Variants in SYT9 observed in about 807,000 individuals in gnomAD.
The protein encoded by SYT9 is synaptotagmin 9.
In SYT9, 22 loss-of-function variants were observed where a neutral mutation model predicts 48.4. That is an observed-to-expected ratio of 0.45 (90% confidence interval 0.32 to 0.65). The LOEUF (loss-of-function observed/expected upper bound fraction) is 0.65, where lower values mean the gene tolerates loss of function less well. SYT9 is among the 30% of genes least tolerant of loss of function. The probability of loss-of-function intolerance (pLI) is 0.03; values close to 1 mark genes in which losing one functional copy is unlikely to be tolerated. For missense variants in SYT9, 577 were observed against 622.0 expected (o/e 0.93, Z 0.77); for synonymous variants, 265 against 245.0 (o/e 1.08, Z -0.76).
chr11:7,446,668 T>C (rs896759974), intron 6 of SYT9, among the ~76,000 whole-genome samples: 5 of 152,194 alleles, frequency 3.3e-5, no homozygotes, highest in Admixed American at 3.3e-4. Flanking sequence ...CCCCAGCCTC[T>C]CTGCCTTGAT....
intron 1 of SYT9, among the ~76,000 whole-genome samples, chr11:7,253,570 A>G (rs531766209): frequency 8.9e-6 from 1 of 112,104 alleles, no homozygotes; most frequent in African/African-American, 3.0e-5. Flanking sequence ...GATTTTCCCT[A>G]CCAGAGGCTT....
chr11:7,433,066 C>A (rs1847641532), intron 6 of SYT9, among the ~76,000 whole-genome samples: 1 of 152,136 alleles, frequency 6.6e-6, no homozygotes, highest in Non-Finnish European at 1.5e-5. Context: ...TGGCTTGGTG[C>A]TACCCTCATG....
intron 3 of SYT9, among the ~76,000 whole-genome samples, chr11:7,380,608 A>G (rs575691907): frequency 1.3e-5 from 2 of 152,278 alleles, no homozygotes; most frequent in Non-Finnish European, 2.9e-5. Flanking sequence ...TAAAAAATAT[A>G]TAAGTAGCAC....
At chr11:7,439,369 A>T (rs1847781929) in intron 6 of SYT9, 2 of 152,288 alleles carry the variant, frequency 1.3e-5, no homozygotes, top group Non-Finnish European at 1.5e-5. Flanking sequence ...GTCAGAGCCA[A>T]GGTGGACTGA....
chr11:7,301,936 A>G (rs1207777716), intron 1 of SYT9, among the ~76,000 whole-genome samples: 5 of 152,226 alleles, frequency 3.3e-5, no homozygotes, highest in African/African-American at 9.6e-5. Context: ...CCTTAGGGGC[A>G]TAGTCACTGG....
intron 3 of SYT9, among the ~76,000 whole-genome samples, chr11:7,333,889 A>G (rs6578847): frequency 1 from 152,295 of 152,356 alleles, 76,117 homozygotes; most frequent in Non-Finnish European, 1. Flanking sequence ...TGGGAGATGG[A>G]AATGTGGGAA....
intron 3 of SYT9, among the ~76,000 whole-genome samples, chr11:7,410,425 CT>C (rs1847114741): frequency 6.6e-6 from 1 of 152,158 alleles, no homozygotes; most frequent in African/African-American, 2.4e-5. Context: ...TTGACTAATG[CT>C]GAAAGTGGGG....
At chr11:7,286,403 A>T (rs919041198) in intron 1 of SYT9, among the ~76,000 whole-genome samples, 4 of 152,178 alleles carry the variant, frequency 2.6e-5, no homozygotes, top group African/African-American at 9.7e-5. Context: ...TGCACACAGC[A>T]GGGGGGGCCC....
chr11:7,306,174 A>AT lies in SYT9; in HGVS notation c.497+2790dup, dbSNP rs555546262. 1.9e-3 allele frequency among the ~76,000 whole-genome samples: 295 copies of AT among 152,162 alleles called. 1 individual carries two copies. The highest frequency in any genetic ancestry group is 6.9e-3 in the African/African-American group (286 of 41,502). ...ATGTGGATGTTTCAATTTTCTCAGAATTTTTTAATTCCAGAGCTTTATAAA... is the reference window on the plus strand; with the variant it reads ...ATGTGGATGTTTCAATTTTCTCAGAATTTTTTTAATTCCAGAGCTTTATAAA... On this transcript the variant is annotated intron_variant, in intron 2 of 6. Coordinates refer to ENST00000318881, the MANE Select transcript of SYT9 (RefSeq NM_175733.4).
At chr11:7,408,554 C>T (rs34946998) in intron 3 of SYT9, among the ~76,000 whole-genome samples, 30,255 of 152,192 alleles carry the variant, frequency 0.2, 3,873 homozygotes, top group East Asian at 0.48. Context: ...GATCTTTCAA[C>T]GCCTTAGTTA....
chr11:7,285,127 G>A (rs544968723), intron 1 of SYT9, among the ~76,000 whole-genome samples: 31 of 152,244 alleles, frequency 2.0e-4, no homozygotes, highest in Non-Finnish European at 4.6e-4. Context: ...TAGGAATTTG[G>A]GAGCTAAAGA....
At chr11:7,383,262 G>C (rs1850598980) in intron 3 of SYT9, among the ~76,000 whole-genome samples, 1 of 152,166 alleles carries the variant, frequency 6.6e-6, no homozygotes, top group Admixed American at 6.5e-5. Flanking sequence ...GTTTCTTGCT[G>C]TTGCCTCTCA....
chr11:7,316,089 G>A (rs1849238746), intron 3 of SYT9, among the ~76,000 whole-genome samples: 3 of 150,524 alleles, frequency 2.0e-5, no homozygotes, highest in Admixed American at 2.0e-4. Context: ...TATAGAGACT[G>A]AACATAAAGA....
At chr11:7,309,420 T>C (rs1323887936) in intron 2 of SYT9, among the ~76,000 whole-genome samples, 5 of 152,150 alleles carry the variant, frequency 3.3e-5, no homozygotes, top group Admixed American at 6.5e-5. Flanking sequence ...CAGAGGACTG[T>C]CTGCTTCAGT....
At chr11:7,460,875 A>G (rs188079760) in intron 6 of SYT9, among the ~76,000 whole-genome samples, 94 of 152,294 alleles carry the variant, frequency 6.2e-4, no homozygotes, top group African/African-American at 2.3e-3. Context: ...TAGGAACACA[A>G]TGATCAGTTT....
chr11:7,432,573 AAAAAAAAAAATATATATACATATATAT>A (rs1847611661), intron 6 of SYT9, among the ~76,000 whole-genome samples: 2 of 12,844 alleles, frequency 1.6e-4, no homozygotes, highest in South Asian at 3.8e-3. Context: ...AAAAAAAAAA[AAAAAAAAAAATATATATACATATATAT>A]ATATATATAT....
chr11:7,384,661 G>A (rs1377884622), intron 3 of SYT9, among the ~76,000 whole-genome samples: 2 of 152,076 alleles, frequency 1.3e-5, no homozygotes, highest in African/African-American at 4.8e-5. Flanking sequence ...ACACTGCTGT[G>A]GGCTATCCTG....
intron 6 of SYT9, among the ~76,000 whole-genome samples, chr11:7,449,322 CAAAAAAAAA>C (rs759372659): frequency 4.5e-5 from 2 of 44,770 alleles, no homozygotes; most frequent in Non-Finnish European, 9.4e-5. Context: ...GACTCCACCT[CAAAAAAAAA>C]AAAAAAAAAA....
At chr11:7,377,357 T>G (rs1335018140) in intron 3 of SYT9, among the ~76,000 whole-genome samples, 1 of 151,954 alleles carries the variant, frequency 6.6e-6, no homozygotes, top group African/African-American at 2.4e-5. Flanking sequence ...ATCTGAGAAG[T>G]CTTGATTATT....
Sources: allele counts gnomAD v4.1 joint callset (sites outside exome capture counted in the v4.1 genomes callset), GRCh38; gene constraint gnomAD v4.1.1; transcripts MANE v1.5; gene names NCBI Gene and HGNC (gene_info 2026-07-23, HGNC 2026-07-21).